FSTL4: variants seen among roughly 807,000 people sequenced by gnomAD.
The protein encoded by FSTL4 is follistatin like 4.
In FSTL4, 28 loss-of-function variants were observed where a neutral mutation model predicts 78.2. That is an observed-to-expected ratio of 0.36 (90% CI 0.27 to 0.49). The LOEUF is 0.49. Among genes scored for constraint, FSTL4 ranks in the 20% least tolerant of loss-of-function variants. The pLI is 0.98. For missense variants in FSTL4, 922 were observed against 1,084.9 expected (o/e 0.85, Z 2.11); for synonymous variants, 422 against 440.5 (o/e 0.96, Z 0.53).
At chr5:133,401,816 G>T (rs909544913) in intron 3 of FSTL4, among the ~76,000 whole-genome samples, 1 of 152,158 alleles carries the variant, frequency 6.6e-6, no homozygotes, top group Non-Finnish European at 1.5e-5. Context: ...GGCATTTGCA[G>T]GTCTCAGGTA....
chr5:133,643,465 C>A, the FSTL4 span, among the ~76,000 whole-genome samples: 1 of 152,068 alleles, frequency 6.6e-6, no homozygotes, highest in African/African-American at 2.4e-5. Context: ...TCTCAGGAGG[C>A]CTTTGTCCTC....
chr5:133,717,743 A>G, the FSTL4 span, among the ~76,000 whole-genome samples: 4 of 152,360 alleles, frequency 2.6e-5, no homozygotes, highest in Non-Finnish European at 5.9e-5. Flanking sequence ...ATGTCATTAC[A>G]TCTATCAGTA....
chr5:133,517,441 A>ATATATATATATATATATATATAT (rs1241999793), intron 3 of FSTL4, among the ~76,000 whole-genome samples: 1 of 30,126 alleles, frequency 3.3e-5, no homozygotes, highest in African/African-American at 1.6e-4. Flanking sequence ...AAAAAAAAAA[A>ATATATATATATATATATATATAT]AAAAAAATAT....
chr5:133,208,819 C>T (rs1185532290), intron 14 of FSTL4, among the ~76,000 whole-genome samples: 1 of 152,102 alleles, frequency 6.6e-6, no homozygotes, highest in Non-Finnish European at 1.5e-5. Context: ...TACAGCTGTG[C>T]ACCATCACGT....
intron 3 of FSTL4, among the ~76,000 whole-genome samples, chr5:133,422,688 G>T (rs1756724191): frequency 6.6e-6 from 1 of 152,164 alleles, no homozygotes; most frequent in East Asian, 1.9e-4. Flanking sequence ...AAAGTCATGG[G>T]ACTAGAAGAC....
Position 133,223,707 on chromosome 5 carries a change from A to G in FSTL4, c.1339+483T>C, listed in dbSNP as rs147270145. Among the ~76,000 whole-genome samples the G allele has an allele frequency of 1.0e-3, 156 of 152,364 alleles. 1 individual carries two copies. Among genetic ancestry groups the G allele is most frequent in the Non-Finnish European group, 1.8e-3 (122 of 68,036 alleles). ...CTTACTAAAGATTTGCTTGATAAATATGTTTCTAAACATCTATACATTTAA... is the reference window on the plus strand; with the variant it reads ...CTTACTAAAGATTTGCTTGATAAATGTGTTTCTAAACATCTATACATTTAA... On this transcript the variant is annotated intron_variant, in intron 11 of 15. Transcript: ENST00000265342.
chr5:133,259,965 C>T (rs1752479738), intron 6 of FSTL4, among the ~76,000 whole-genome samples: 1 of 152,134 alleles, frequency 6.6e-6, no homozygotes, highest in Admixed American at 6.5e-5. Context: ...AACCCCCTAA[C>T]CCTCCCAAGG....
At chr5:133,474,720 G>T (rs935779802) in intron 3 of FSTL4, among the ~76,000 whole-genome samples, 1 of 152,100 alleles carries the variant, frequency 6.6e-6, no homozygotes, top group Non-Finnish European at 1.5e-5. Context: ...CGAGCACCAG[G>T]GTCAGTGGAA....
chr5:133,740,192 A>G, the FSTL4 span, among the ~76,000 whole-genome samples: 1 of 152,120 alleles, frequency 6.6e-6, no homozygotes, highest in African/African-American at 2.4e-5. Context: ...TCCGAAACAT[A>G]AGCTCTTAAG....
chr5:133,321,837 G>A (rs995520006), intron 4 of FSTL4, among the ~76,000 whole-genome samples: 6 of 152,230 alleles, frequency 3.9e-5, no homozygotes, highest in African/African-American at 1.4e-4. Context: ...TCCATGCCTT[G>A]AATGAGGCTC....
At chr5:133,837,929 C>T in the FSTL4 span, among the ~76,000 whole-genome samples, 1 of 151,846 alleles carries the variant, frequency 6.6e-6, no homozygotes, top group Admixed American at 6.6e-5. Context: ...GCTCTGTCAC[C>T]CAGGCTGGAG....
intron 3 of FSTL4, among the ~76,000 whole-genome samples, chr5:133,472,413 G>T (rs147801548): frequency 6.6e-6 from 1 of 152,124 alleles, no homozygotes; most frequent in Non-Finnish European, 1.5e-5. Flanking sequence ...CGAGCAAAAA[G>T]AACATTCTAG....
chr5:133,233,642 C>T, intron 7 of FSTL4, 105 bp from the exon 8 acceptor site: 2 of 1,381,468 alleles, frequency 1.4e-6, no homozygotes, highest in Non-Finnish European at 2.0e-6. Flanking sequence ...GGAGAGAGTT[C>T]CTTTCTGCCT....
intron 6 of FSTL4, among the ~76,000 whole-genome samples, chr5:133,265,795 C>G (rs897512556): frequency 1.4e-4 from 22 of 152,150 alleles, no homozygotes; most frequent in Non-Finnish European, 2.8e-4. Context: ...CACTGACAGG[C>G]CTGTCCCATG....
At chr5:133,622,635 G>C in the FSTL4 span, among the ~76,000 whole-genome samples, 1 of 152,118 alleles carries the variant, frequency 6.6e-6, no homozygotes, top group Non-Finnish European at 1.5e-5. Context: ...ATTCTGACAG[G>C]TGTGTGATTT....
chr5:133,601,480 AAGG>A (rs1467896207), intron 2 of FSTL4, among the ~76,000 whole-genome samples: 1 of 152,180 alleles, frequency 6.6e-6, no homozygotes, highest in African/African-American at 2.4e-5. Context: ...CTGGGCCCTG[AAGG>A]AGGAGGAGAG....
At chr5:133,474,857 C>T (rs772274494) in intron 3 of FSTL4, among the ~76,000 whole-genome samples, 3 of 152,204 alleles carry the variant, frequency 2.0e-5, no homozygotes, top group African/African-American at 4.8e-5. Context: ...GAACGAGGCC[C>T]GTAATTTTAA....
the FSTL4 span, among the ~76,000 whole-genome samples, chr5:133,830,373 T>G: frequency 6.6e-6 from 1 of 152,148 alleles, no homozygotes; most frequent in Non-Finnish European, 1.5e-5. Context: ...GAAGTAGCTC[T>G]CAGAGGCCCT....
At chr5:133,308,698 A>T (rs202236466) in intron 6 of FSTL4, among the ~76,000 whole-genome samples, 1 of 152,348 alleles carries the variant, frequency 6.6e-6, no homozygotes, top group South Asian at 2.1e-4. Flanking sequence ...TGACCATATC[A>T]TCTGTTTCAT....
Sources: allele counts gnomAD v4.1 joint callset (sites outside exome capture counted in the v4.1 genomes callset), GRCh38; gene constraint gnomAD v4.1.1; transcripts MANE v1.5; gene names NCBI Gene and HGNC (gene_info 2026-07-23, HGNC 2026-07-21).